The following CTNNA3 variants were observed in gnomAD, a reference collection of about 807,000 sequenced individuals.
CTNNA3 encodes catenin alpha-3.
Under a neutral mutation model 95.7 loss-of-function variants are expected in CTNNA3, and 76 were observed. That is an observed-to-expected ratio of 0.79 (90% CI 0.66 to 0.96). The LOEUF (loss-of-function observed/expected upper bound fraction) is 0.96. CTNNA3 is among the 40% of genes least tolerant of loss of function. The pLI, the probability that CTNNA3 is intolerant of heterozygous loss-of-function variation, is 0.00. For synonymous variants in CTNNA3, 431 were observed against 374.4 expected (o/e 1.15, Z -1.74); for missense variants, 1,191 against 1,089.8 (o/e 1.09, Z -1.31).
At chr10:66,825,690 C>T (rs772409058) in intron 7 of CTNNA3, among the ~76,000 whole-genome samples, 2 of 152,142 alleles carry the variant, frequency 1.3e-5, no homozygotes, top group Non-Finnish European at 2.9e-5. Flanking sequence ...TTAAGATCTT[C>T]CACAAGCTAG....
At position 67,117,332 on chromosome 10, in the gene CTNNA3, G is replaced by A. The variant is rs16924064; in HGVS notation, c.1047+62985C>T. On this transcript the variant is annotated intron_variant, in intron 7 of 17. Transcript: ENST00000433211. ...GGTTCAAACCTCATTCTTCACTTGC[G>A]ATAGCTTCGCTGATGAATAGGAATG... 5.8e-3 allele frequency among the ~76,000 whole-genome samples: 876 copies of A among 151,626 alleles called. 6 individuals carry two copies. The highest frequency in any genetic ancestry group is 0.018 in the African/African-American group (752 of 41,392).
chr10:66,360,588 A>C, intron 12 of CTNNA3, among the ~76,000 whole-genome samples: 1 of 130,102 alleles, frequency 7.7e-6, no homozygotes, highest in Non-Finnish European at 1.8e-5. Flanking sequence ...CCTCTAATGT[A>C]TTCTTTCCTT....
At chr10:65,922,546 A>T (rs2077104494) in intron 17 of CTNNA3, among the ~76,000 whole-genome samples, 2 of 152,242 alleles carry the variant, frequency 1.3e-5, no homozygotes, top group Non-Finnish European at 2.9e-5. Context: ...GAAGAACCAT[A>T]AACAAATCAC....
intron 7 of CTNNA3, among the ~76,000 whole-genome samples, chr10:66,899,909 C>A (rs531533657): frequency 8.5e-5 from 13 of 152,316 alleles, no homozygotes; most frequent in African/African-American, 3.1e-4. Context: ...ATAGACTCCA[C>A]CTTTGTGGGC....
chr10:66,681,746 T>G (rs988821782), intron 9 of CTNNA3, among the ~76,000 whole-genome samples: 2 of 152,216 alleles, frequency 1.3e-5, no homozygotes, highest in Admixed American at 6.5e-5. Flanking sequence ...CTCAGGGGTT[T>G]CTTTAAAAAT....
intron 5 of CTNNA3, among the ~76,000 whole-genome samples, chr10:67,260,675 GTTTTTTTGTTT>G (rs1472116868): frequency 6.9e-5 from 9 of 131,284 alleles, no homozygotes; most frequent in African/African-American, 1.6e-4. Context: ...GTTTTGTTTT[GTTTTTTTGTTT>G]TTTTTTTGTT....
chr10:67,726,875 TTATA>T (rs1413899290), intron 1 of CTNNA3, among the ~76,000 whole-genome samples: 1 of 113,736 alleles, frequency 8.8e-6, no homozygotes, highest in African/African-American at 3.6e-5. Flanking sequence ...TAATTATATA[TTATA>T]TATAATGATA....
At chr10:66,165,822 G>A (rs193136141) in intron 13 of CTNNA3, among the ~76,000 whole-genome samples, 22 of 151,860 alleles carry the variant, frequency 1.4e-4, no homozygotes, top group African/African-American at 3.9e-4. Context: ...AGGCTGGAGC[G>A]CAGTGGTGCA....
chr10:67,281,827 T>G (rs1177282209), intron 5 of CTNNA3, among the ~76,000 whole-genome samples: 3 of 152,122 alleles, frequency 2.0e-5, no homozygotes, highest in African/African-American at 7.2e-5. Flanking sequence ...TTATCTTACT[T>G]TTTAGAGGAC....
chr10:65,968,115 C>T (rs909244005), intron 16 of CTNNA3, among the ~76,000 whole-genome samples: 26 of 152,136 alleles, frequency 1.7e-4, no homozygotes, highest in African/African-American at 4.1e-4. Flanking sequence ...GAATGCCAGA[C>T]GCAGTGGCTC....
chr10:66,037,675 T>A (rs1386602940), intron 15 of CTNNA3, among the ~76,000 whole-genome samples: 6 of 149,958 alleles, frequency 4.0e-5, no homozygotes, highest in African/African-American at 1.5e-4. Context: ...TCCAGTACGG[T>A]CAAGAAAAGT....
chr10:66,019,441 TC>T (rs147237229), intron 15 of CTNNA3, among the ~76,000 whole-genome samples: 4,736 of 151,900 alleles, frequency 0.031, 106 homozygotes, highest in East Asian at 0.066. Flanking sequence ...GGGAATCAGA[TC>T]CCCCCCAAAA....
At chr10:66,357,186 G>T (rs924795753) in intron 12 of CTNNA3, among the ~76,000 whole-genome samples, 8 of 152,092 alleles carry the variant, frequency 5.3e-5, no homozygotes, top group South Asian at 2.1e-4. Context: ...TTCCTTACAT[G>T]ATGCAATGTT....
rs116328033 is a variant in CTNNA3, at chr10:66,739,786, A to C, written c.1281+26478T>G. ...TAATACAAAAATTGAGCTAAGTCTGATTGGGGAAAGTACAGTTGTGTGTTT... is the reference window on the plus strand; with the variant it reads ...TAATACAAAAATTGAGCTAAGTCTGCTTGGGGAAAGTACAGTTGTGTGTTT... On this transcript the variant is annotated intron_variant, in intron 9 of 17. Coordinates refer to ENST00000433211, the MANE Select transcript of CTNNA3 (RefSeq NM_013266.4). Among the ~76,000 whole-genome samples, 1,408 of 152,280 alleles carry C rather than the reference A, an allele frequency of 9.2e-3. 23 individuals are homozygous for C. Among genetic ancestry groups the C allele is most frequent in the African/African-American group, 0.032 (1,347 of 41,556 alleles).
At chr10:67,237,126 G>GTA (rs59511861) in intron 5 of CTNNA3, among the ~76,000 whole-genome samples, 14 of 39,874 alleles carry the variant, frequency 3.5e-4, no homozygotes, top group Non-Finnish European at 4.4e-4. Context: ...TATGGTGTAT[G>GTA]TATATATATA....
At position 67,243,492 on chromosome 10, in the gene CTNNA3, G is replaced by A. The variant is rs186565330; in HGVS notation, c.580-23622C>T. 2.4e-4 allele frequency among the ~76,000 whole-genome samples: 37 copies of A among 152,226 alleles called. No individual in the cohort carries two copies. In the East Asian group the frequency reaches 7.0e-3, roughly 29 times the overall value. ...TCTTTTCTCTGTCATACCATCAGAG[G>A]AAACTCTTTAAAACTTAAATCTGGT... On this transcript the variant is annotated intron_variant, in intron 5 of 17. Coordinates refer to ENST00000433211, the MANE Select transcript of CTNNA3 (RefSeq NM_013266.4).
intron 13 of CTNNA3, among the ~76,000 whole-genome samples, chr10:66,121,459 A>G (rs963012092): frequency 1.3e-5 from 2 of 150,848 alleles, no homozygotes; most frequent in Non-Finnish European, 3.0e-5. Context: ...TTTTTAATAC[A>G]ACATACATAC....
chr10:66,083,578 ATTAAAGATTT>A (rs1443624906), intron 14 of CTNNA3, among the ~76,000 whole-genome samples: 3 of 152,200 alleles, frequency 2.0e-5, no homozygotes, highest in Non-Finnish European at 4.4e-5. Flanking sequence ...TAGACAAGAT[ATTAAAGATTT>A]TGAAAGGCAG....
intron 12 of CTNNA3, among the ~76,000 whole-genome samples, chr10:66,281,774 T>C (rs1287224883): frequency 6.6e-6 from 1 of 151,798 alleles, no homozygotes; most frequent in African/African-American, 2.4e-5. Flanking sequence ...ATGTTATTGA[T>C]ATGAGGAAAT....
Sources: gnomAD v4.1 joint callset for allele counts (sites outside exome capture counted in the v4.1 genomes callset) on GRCh38, gnomAD v4.1.1 for gene constraint, MANE v1.5 for transcripts, NCBI Gene and HGNC (gene_info 2026-07-23, HGNC 2026-07-21) for gene names.